Variants in FAM193A observed in about 807,000 individuals in gnomAD.
FAM193A encodes protein FAM193A.
FAM193A carries 22 observed loss-of-function variants against 126.5 expected under a neutral mutation model. That is an observed-to-expected ratio of 0.17 (90% CI 0.12 to 0.25). FAM193A has a LOEUF of 0.25. FAM193A is among the 10% of genes least tolerant of loss of function. The pLI is 1.00. For synonymous variants in FAM193A, 761 were observed against 646.8 expected, an observed-to-expected ratio of 1.18 and a Z score of -2.68; for missense variants, 1,675 against 1,672.8, an observed-to-expected ratio of 1.00 and a Z score of -0.02.
intron 20 of FAM193A, among the ~76,000 whole-genome samples, chr4:2,724,589 C>T (rs900370358): frequency 6.6e-6 from 1 of 152,088 alleles, no homozygotes; most frequent in Non-Finnish European, 1.5e-5. Flanking sequence ...GCGTTCACAC[C>T]TTGTAATCCC....
intron 20 of FAM193A, among the ~76,000 whole-genome samples, chr4:2,721,020 T>C (rs888336399): frequency 2.6e-5 from 4 of 151,988 alleles, no homozygotes; most frequent in Non-Finnish European, 4.4e-5. Context: ...AATTAAAAAT[T>C]AGCCAGGCGT....
chr4:2,579,374 C>G (rs1412723915), intron 1 of FAM193A, among the ~76,000 whole-genome samples: 1 of 151,404 alleles, frequency 6.6e-6, no homozygotes, highest in Non-Finnish European at 1.5e-5. Flanking sequence ...TGGTACGCGC[C>G]TGTAATCCTA....
At chr4:2,569,400 C>T (rs113101035) in intron 1 of FAM193A, among the ~76,000 whole-genome samples, 3,552 of 152,286 alleles carry the variant, frequency 0.023, 88 homozygotes, top group African/African-American at 0.062. Flanking sequence ...AATACAAAAG[C>T]AGCCCAAAGG....
At chr4:2,600,049 A>G (rs189291901) in intron 2 of FAM193A, among the ~76,000 whole-genome samples, 34 of 152,134 alleles carry the variant, frequency 2.2e-4, no homozygotes, top group African/African-American at 8.2e-4. Flanking sequence ...ATAGGCGCGC[A>G]ACACCACACC....
At chr4:2,589,635 T>C (rs1163368591) in intron 1 of FAM193A, among the ~76,000 whole-genome samples, 1 of 152,244 alleles carries the variant, frequency 6.6e-6, no homozygotes, top group African/African-American at 2.4e-5. Context: ...ACTCATGATA[T>C]GATTGTTACC....
At chr4:2,676,660 C>T (rs1714436284) in intron 13 of FAM193A, among the ~76,000 whole-genome samples, 1 of 152,066 alleles carries the variant, frequency 6.6e-6, no homozygotes, top group Non-Finnish European at 1.5e-5. Flanking sequence ...AAAAATTTTT[C>T]AGCCAGGCAC....
At chr4:2,706,047 AT>A (rs1045879926) in intron 19 of FAM193A, among the ~76,000 whole-genome samples, 2 of 151,746 alleles carry the variant, frequency 1.3e-5, no homozygotes, top group Admixed American at 1.3e-4. Flanking sequence ...CTCTACAGAT[AT>A]TTTTTTTAAA....
At chr4:2,562,389 C>G (rs983007431) in intron 1 of FAM193A, among the ~76,000 whole-genome samples, 1 of 152,120 alleles carries the variant, frequency 6.6e-6, no homozygotes, top group African/African-American at 2.4e-5. Context: ...GAGTTAAACA[C>G]TGCAGTGAGC....
At chr4:2,556,464 A>G (rs988001757) in intron 1 of FAM193A, among the ~76,000 whole-genome samples, 3 of 151,944 alleles carry the variant, frequency 2.0e-5, no homozygotes, top group Non-Finnish European at 4.4e-5. Flanking sequence ...TTGGCCTCCC[A>G]AAGTGCTGGG....
At chr4:2,544,388 T>C (rs1021284230) in intron 1 of FAM193A, among the ~76,000 whole-genome samples, 2 of 152,078 alleles carry the variant, frequency 1.3e-5, no homozygotes, top group African/African-American at 2.4e-5. Flanking sequence ...AGTGAGACTC[T>C]GTCTCAACAA....
In FAM193A at chr4:2,672,330, C is replaced by T. The variant is rs1713908646; in HGVS notation, c.2289C>T (p.Ile763=). 3.1e-6 allele frequency: 5 copies of T among 1,614,100 alleles called. No homozygotes were observed. Among genetic ancestry groups the T allele is most frequent in the Non-Finnish European group, 4.2e-6 (5 of 1,180,042 alleles). Residue 763 remains isoleucine, a synonymous_variant, in exon 13 of 21, where the codon ATC becomes ATT. Coordinates refer to ENST00000637812, the MANE Select transcript of FAM193A (RefSeq NM_001366318.2). ...HTVPHLPRPL[I]HPTLYATPPF... Reference sequence around the variant, plus strand: ...TTCCACACCTGCCACGCCCTCTCATCCACCCCACCTTGTATGCAACGCCCC... The same window carrying T: ...TTCCACACCTGCCACGCCCTCTCATTCACCCCACCTTGTATGCAACGCCCC...
chr4:2,598,383 C>T (rs115025003), intron 2 of FAM193A, among the ~76,000 whole-genome samples: 2,556 of 152,170 alleles, frequency 0.017, 60 homozygotes, highest in African/African-American at 0.051. Flanking sequence ...GTGTTGTTCC[C>T]ACGTTTGGGC....
At chr4:2,707,196 G>T (rs1371924292) in intron 19 of FAM193A, among the ~76,000 whole-genome samples, 1 of 152,100 alleles carries the variant, frequency 6.6e-6, no homozygotes, top group Non-Finnish European at 1.5e-5. Flanking sequence ...AGGGAGAATT[G>T]ATGTCTTTAT....
rs1303638468 is a variant in FAM193A at position 2,684,042 on chromosome 4, CT to C, written c.2332-5462del. Among the ~76,000 whole-genome samples, 7 of 152,320 alleles carry C rather than the reference CT, an allele frequency of 4.6e-5. No homozygotes were observed. In the East Asian group the frequency reaches 1.3e-3, roughly 29 times the overall value. On this transcript the variant is annotated intron_variant, in intron 13 of 20. Transcript: ENST00000637812. ...CCCATCTCTCTGCTCACACGGCCCC[CT>C]TGTTCTTGCATGCTGTCTACTTTTT...
chr4:2,632,488 G>A (rs755844915), intron 5 of FAM193A, among the ~76,000 whole-genome samples: 25 of 152,310 alleles, frequency 1.6e-4, no homozygotes, highest in Non-Finnish European at 3.2e-4. Flanking sequence ...TTGAGCTCAG[G>A]GTTGAGGCTG....
chr4:2,731,893 C>A lies in FAM193A; in HGVS notation c.*25C>A. 6.4e-7 allele frequency: 1 copy of A among 1,559,260 alleles called. No individual in the cohort carries two copies. The highest frequency in any genetic ancestry group is 8.8e-7 in the Non-Finnish European group (1 of 1,130,584). Reference sequence around the variant, plus strand: ...AATGAGGACTCCCTGGAGAGGGACACGCGAGAGGCAGGCCAGGCTGCACCA... The same window carrying A: ...AATGAGGACTCCCTGGAGAGGGACAAGCGAGAGGCAGGCCAGGCTGCACCA... On this transcript the variant is annotated 3_prime_UTR_variant, in exon 21 of 21. Transcript: ENST00000637812.
intron 14 of FAM193A, 122 bp from the exon 15 acceptor site, chr4:2,690,573 TCCC>T: frequency 4.8e-6 from 4 of 836,132 alleles, no homozygotes; most frequent in African/African-American, 3.4e-5. Flanking sequence ...CTTAGTGTCA[TCCC>T]AGTGGGATCC....
chr4:2,645,812 C>T (rs1268683109), intron 6 of FAM193A, among the ~76,000 whole-genome samples: 1 of 152,198 alleles, frequency 6.6e-6, no homozygotes, highest in Non-Finnish European at 1.5e-5. Flanking sequence ...CAGGCGTGAG[C>T]CACTGCACCT....
intron 1 of FAM193A, among the ~76,000 whole-genome samples, chr4:2,568,513 G>A (rs761956894): frequency 6.6e-5 from 10 of 152,150 alleles, no homozygotes; most frequent in Non-Finnish European, 1.3e-4. Flanking sequence ...GCAAGACCCT[G>A]TCTGTAAAAA....
Sources: allele counts gnomAD v4.1 joint callset (sites outside exome capture counted in the v4.1 genomes callset), GRCh38; gene constraint gnomAD v4.1.1; transcripts MANE v1.5; gene names NCBI Gene and HGNC (gene_info 2026-07-23, HGNC 2026-07-21).